The following DPP10 variants were observed in gnomAD, a reference collection of about 807,000 sequenced individuals.
DPP10 encodes dipeptidyl peptidase like 10, also known as inactive dipeptidyl peptidase 10.
A neutral mutation model predicts 120.9 loss-of-function variants in DPP10; 33 were observed. That is an observed-to-expected ratio of 0.27 (90% CI 0.21 to 0.37). The LOEUF (loss-of-function observed/expected upper bound fraction) is 0.37, where lower values mean the gene tolerates loss of function less well. Ranked by LOEUF, DPP10 falls within the 10% of genes least tolerant of loss-of-function variation. DPP10 has a pLI of 1.00. For missense variants in DPP10, 816 were observed against 942.8 expected, an observed-to-expected ratio of 0.87 and a Z score of 1.76; for synonymous variants, 337 against 326.1, an observed-to-expected ratio of 1.03 and a Z score of -0.36.
chr2:115,272,247 A>G (rs1476992592), intron 1 of DPP10, among the ~76,000 whole-genome samples: 2 of 152,216 alleles, frequency 1.3e-5, no homozygotes, highest in Non-Finnish European at 2.9e-5. Context: ...AGAAATGAAT[A>G]TTTGCCTTAG....
chr2:114,533,155 G>A (rs937173316), intron 1 of DPP10, among the ~76,000 whole-genome samples: 44 of 152,136 alleles, frequency 2.9e-4, no homozygotes, highest in Admixed American at 1.2e-3. Flanking sequence ...GCATCTTAGC[G>A]TGTATAACTT....
intron 1 of DPP10, among the ~76,000 whole-genome samples, chr2:115,038,447 T>A: frequency 6.6e-6 from 1 of 151,776 alleles, no homozygotes; most frequent in South Asian, 2.1e-4. Context: ...ATGTTTTTTT[T>A]AACAGATTTT....
At chr2:115,612,988 C>A (rs1182880554) in intron 5 of DPP10, among the ~76,000 whole-genome samples, 7 of 151,908 alleles carry the variant, frequency 4.6e-5, no homozygotes, top group Non-Finnish European at 8.8e-5. Flanking sequence ...TAAATCAAAG[C>A]CTATGTTTCT....
At chr2:115,184,366 G>C (rs1005258123) in intron 1 of DPP10, among the ~76,000 whole-genome samples, 1 of 152,182 alleles carries the variant, frequency 6.6e-6, no homozygotes, top group Non-Finnish European at 1.5e-5. Context: ...AGGAAGAAGA[G>C]GTCATTTCAA....
intron 1 of DPP10, among the ~76,000 whole-genome samples, chr2:115,067,338 G>A (rs1559053914): frequency 6.6e-6 from 1 of 151,358 alleles, no homozygotes; most frequent in South Asian, 2.1e-4. Flanking sequence ...TGCAAGCTCC[G>A]CCTCCCGGGT....
chr2:114,645,774 AG>A (rs1696072817), intron 1 of DPP10, among the ~76,000 whole-genome samples: 4 of 152,098 alleles, frequency 2.6e-5, no homozygotes, highest in Admixed American at 2.6e-4. Flanking sequence ...TTCCCTTTCC[AG>A]GGCCCTAAAT....
At chr2:115,643,921 T>C (rs543977068) in intron 5 of DPP10, among the ~76,000 whole-genome samples, 1 of 152,306 alleles carries the variant, frequency 6.6e-6, no homozygotes, top group South Asian at 2.1e-4. Context: ...AGAGATCCAC[T>C]TAAAAATGTT....
intron 1 of DPP10, among the ~76,000 whole-genome samples, chr2:114,834,399 A>T (rs565223981): frequency 2.6e-5 from 4 of 151,270 alleles, no homozygotes; most frequent in Non-Finnish European, 5.9e-5. Context: ...CTATGTATAT[A>T]TAAGCCATAT....
chr2:114,653,184 T>C (rs554083748), intron 1 of DPP10, among the ~76,000 whole-genome samples: 20 of 152,194 alleles, frequency 1.3e-4, no homozygotes, highest in African/African-American at 4.6e-4. Flanking sequence ...TTAGAGATCT[T>C]AAGACAAGAT....
At chr2:115,268,901 G>A (rs1266766349) in intron 1 of DPP10, among the ~76,000 whole-genome samples, 2 of 104,842 alleles carry the variant, frequency 1.9e-5, no homozygotes, top group Non-Finnish European at 4.2e-5. Context: ...TGTAATCCCA[G>A]CACTTTAGGA....
chr2:115,469,136 A>C (rs754566131), intron 3 of DPP10, among the ~76,000 whole-genome samples: 2 of 152,088 alleles, frequency 1.3e-5, no homozygotes, highest in Non-Finnish European at 2.9e-5. Flanking sequence ...CATGTTGGCC[A>C]GGCTGGTCTC....
chr2:115,077,221 A>C (rs1707880409), intron 1 of DPP10, among the ~76,000 whole-genome samples: 1 of 152,210 alleles, frequency 6.6e-6, no homozygotes, highest in Non-Finnish European at 1.5e-5. Context: ...TATAATCAAA[A>C]TAACATGAGT....
At chr2:114,982,180 C>A (rs1294003643) in intron 1 of DPP10, among the ~76,000 whole-genome samples, 1 of 152,088 alleles carries the variant, frequency 6.6e-6, no homozygotes, top group African/African-American at 2.4e-5. Flanking sequence ...AAAACACTTT[C>A]AATAATATGC....
intron 3 of DPP10, among the ~76,000 whole-genome samples, chr2:115,384,778 G>T (rs12478502): frequency 0.72 from 108,913 of 151,928 alleles, 39,253 homozygotes; most frequent in Admixed American, 0.77. Context: ...CAACTCTTCT[G>T]CCCCAAAGCA....
intron 1 of DPP10, among the ~76,000 whole-genome samples, chr2:114,902,717 C>A (rs1693680766): frequency 6.6e-6 from 1 of 152,158 alleles, no homozygotes; most frequent in African/African-American, 2.4e-5. Context: ...TACGAGCTCG[C>A]ACACATATAT....
At chr2:115,670,665 A>C (rs1390432276) in intron 5 of DPP10, among the ~76,000 whole-genome samples, 1 of 152,146 alleles carries the variant, frequency 6.6e-6, no homozygotes, top group African/African-American at 2.4e-5. Context: ...TATCTCAATC[A>C]AAGTCTACGT....
intron 7 of DPP10, among the ~76,000 whole-genome samples, chr2:115,722,157 G>A (rs559060654): frequency 1.3e-5 from 2 of 152,062 alleles, no homozygotes; most frequent in Non-Finnish European, 2.9e-5. Context: ...AGTGAGATTA[G>A]TAAGCTCTAG....
chr2:114,854,045 C>A (rs562817996), intron 1 of DPP10, among the ~76,000 whole-genome samples: 7 of 152,296 alleles, frequency 4.6e-5, no homozygotes, highest in African/African-American at 1.4e-4. Flanking sequence ...TTCTTTTCAA[C>A]TATCAAGTTT....
chr2:115,720,837 C>T (rs2092631177), intron 7 of DPP10, among the ~76,000 whole-genome samples: 1 of 152,130 alleles, frequency 6.6e-6, no homozygotes, highest in Admixed American at 6.5e-5. Flanking sequence ...ATTTTTACCT[C>T]ATAAAACAAA....
Sources: gnomAD v4.1 joint callset for allele counts (sites outside exome capture counted in the v4.1 genomes callset) on GRCh38, gnomAD v4.1.1 for gene constraint, MANE v1.5 for transcripts, NCBI Gene and HGNC (gene_info 2026-07-23, HGNC 2026-07-21) for gene names.